Variants in SMIM3 observed in about 807,000 individuals in gnomAD.
SMIM3 encodes the protein NGF-induced differentiation clone 67 protein.
In SMIM3, 4 loss-of-function variants were observed where a neutral mutation model predicts 2.1. The ratio of observed to expected loss-of-function variants is 1.89; its 90% CI spans 0.93 to 4.31. SMIM3 has a LOEUF of 4.31. Ranked by LOEUF, SMIM3 falls within the 30% of genes most tolerant of loss-of-function variation. The pLI is 0.01. For synonymous variants in SMIM3, 29 were observed against 30.8 expected, an observed-to-expected ratio of 0.94 and a Z score of 0.19; for missense variants, 79 against 77.7, an observed-to-expected ratio of 1.02 and a Z score of -0.06.
Position 150,793,269 on chromosome 5 carries a change from G to A in SMIM3, c.-11-2161G>A, listed in dbSNP as rs150263752. On this transcript the variant is annotated intron_variant, in intron 1 of 1. Coordinates refer to ENST00000526627, the MANE Select transcript of SMIM3 (RefSeq NM_032947.5). ...GCCAAAAGCAATCTACAAATTCAAC[G>A]CAATCCCCATCAGAATACCACCATC... is the stretch of plus-strand genomic sequence containing the variant. 1.3e-4 allele frequency among the ~76,000 whole-genome samples: 20 copies of A among 152,070 alleles called. No homozygotes were observed. The East Asian group carries it at 2.1e-3, about 16-fold the overall frequency.
At chr5:150,794,710 C>A (rs1252575227) in intron 1 of SMIM3, among the ~76,000 whole-genome samples, 1 of 152,150 alleles carries the variant, frequency 6.6e-6, no homozygotes, top group Admixed American at 6.5e-5. Context: ...TGTTTCCAAT[C>A]GTGTTCAATT....
chr5:150,782,992 G>C (rs1753251667), intron 1 of SMIM3, among the ~76,000 whole-genome samples: 1 of 152,180 alleles, frequency 6.6e-6, no homozygotes, highest in Admixed American at 6.5e-5. Context: ...AAACAAACAA[G>C]CAACAAACAA....
chr5:150,778,779 T>A lies in SMIM3; in HGVS notation c.-205T>A, dbSNP rs776391171. 19 of 460,078 alleles carry A rather than the reference T, an allele frequency of 4.1e-5. No individual in the cohort carries two copies. In the East Asian group the frequency reaches 1.2e-3, roughly 30 times the overall value. The allele number at this position is 460,078 out of a possible 1,614,324, so 28.5% of individuals were successfully genotyped here. A position where few individuals can be genotyped will look rare whatever the true frequency, so the allele number is the denominator to read the frequency against. On this transcript the variant is annotated 5_prime_UTR_variant, in exon 1 of 2. Transcript: ENST00000526627. ...CGCGCATTCCAGAGCCAGCAGCGCGTCCTGGCCGCTCCTGCGCTCTCCCGC... is the reference window on the plus strand; with the variant it reads ...CGCGCATTCCAGAGCCAGCAGCGCGACCTGGCCGCTCCTGCGCTCTCCCGC...
intron 1 of SMIM3, among the ~76,000 whole-genome samples, chr5:150,785,456 C>T (rs2113201371): frequency 6.6e-6 from 1 of 152,078 alleles, no homozygotes; most frequent in South Asian, 2.1e-4. Context: ...GATCATTCTG[C>T]TGTTTTTAAA....
intron 1 of SMIM3, among the ~76,000 whole-genome samples, chr5:150,784,171 C>T (rs542143978): frequency 4.3e-4 from 66 of 152,058 alleles, no homozygotes; most frequent in Non-Finnish European, 6.9e-4. Context: ...GGAACGATGC[C>T]GGGTTCACTA....
intron 1 of SMIM3, 104 bp from the exon 2 acceptor site, chr5:150,795,326 T>G: frequency 8.4e-7 from 1 of 1,188,516 alleles, no homozygotes; most frequent in Non-Finnish European, 1.3e-6. Flanking sequence ...AAAGTTTACA[T>G]ATCTGGTAAG....
chr5:150,795,574 T>G lies in SMIM3; in HGVS notation c.134T>G (p.Val45Gly), dbSNP rs1308740192. ...TSLLLCPATAVIIYRMRTHPI... is the reference protein window; with the variant it reads ...TSLLLCPATAGIIYRMRTHPI... ...TTGTTGCTGTGCCCAGCCACTGCAG[T>G]AATCATCTATCGCATGCGGACTCAT... The change falls in exon 2 of 2, where the codon GTA becomes GGA. Residue 45 changes from valine to glycine, a missense_variant. Val to Gly is a moderately radical substitution (Grantham distance 109, BLOSUM62 -3). Coordinates refer to ENST00000526627, the MANE Select transcript of SMIM3 (RefSeq NM_032947.5). 9 of 1,596,474 alleles carry G rather than the reference T, an allele frequency of 5.6e-6. No individual in the cohort carries two copies. The Admixed American group carries it at 1.0e-4, about 18-fold the overall frequency.
chr5:150,789,826 T>A (rs748190271), intron 1 of SMIM3, among the ~76,000 whole-genome samples: 33 of 152,188 alleles, frequency 2.2e-4, no homozygotes, highest in Non-Finnish European at 3.5e-4. Context: ...TCATCTCTAG[T>A]GCTTAGGGTC....
intron 1 of SMIM3, among the ~76,000 whole-genome samples, chr5:150,794,186 T>C (rs1407301738): frequency 6.6e-6 from 1 of 152,144 alleles, no homozygotes; most frequent in Non-Finnish European, 1.5e-5. Context: ...AATGCTCGTG[T>C]GGATGTGGTG....
At chr5:150,782,366 C>T (rs1202624454) in intron 1 of SMIM3, among the ~76,000 whole-genome samples, 2 of 152,076 alleles carry the variant, frequency 1.3e-5, no homozygotes, top group Non-Finnish European at 2.9e-5. Context: ...CATGGGAAAC[C>T]TGCCCCCACT....
intron 1 of SMIM3, among the ~76,000 whole-genome samples, chr5:150,792,505 C>T (rs528431403): frequency 3.3e-5 from 5 of 152,218 alleles, no homozygotes; most frequent in Admixed American, 2.0e-4. Context: ...TACTACATGC[C>T]TTTTGTTAAT....
chr5:150,794,624 G>A (rs1222483967), intron 1 of SMIM3, among the ~76,000 whole-genome samples: 5 of 152,118 alleles, frequency 3.3e-5, no homozygotes, highest in African/African-American at 7.2e-5. Context: ...CTATGAGGAC[G>A]CAAAGGCATA....
At chr5:150,786,065 G>A (rs753093104) in intron 1 of SMIM3, among the ~76,000 whole-genome samples, 1 of 151,770 alleles carries the variant, frequency 6.6e-6, no homozygotes, top group Admixed American at 6.6e-5. Context: ...TATTTATGTT[G>A]TACCTTGTCA....
chr5:150,778,781 C>A lies in SMIM3; in HGVS notation c.-203C>A. On this transcript the variant is annotated 5_prime_UTR_variant, in exon 1 of 2. The change creates a new upstream start codon in the 5' untranslated region. Transcript: ENST00000526627. The stretch of plus-strand genomic sequence containing the variant: ...CGCATTCCAGAGCCAGCAGCGCGTC[C>A]TGGCCGCTCCTGCGCTCTCCCGCCT... The A allele has an allele frequency of 2.2e-6, 1 of 460,614 alleles. No individual in the cohort carries two copies. The highest frequency in any genetic ancestry group is 1.6e-5 in the South Asian group (1 of 63,216). 28.5% of individuals were successfully genotyped at this position (460,614 alleles called of 1,614,324 possible).
chr5:150,783,420 T>G (rs778935345), intron 1 of SMIM3, among the ~76,000 whole-genome samples: 5 of 152,238 alleles, frequency 3.3e-5, no homozygotes, highest in Non-Finnish European at 7.3e-5. Context: ...CTTGTTCACA[T>G]TCTGCAAAAT....
intron 1 of SMIM3, among the ~76,000 whole-genome samples, chr5:150,783,850 T>A (rs1048994867): frequency 6.6e-6 from 1 of 151,964 alleles, no homozygotes; most frequent in African/African-American, 2.4e-5. Flanking sequence ...GTTTCCTACA[T>A]TGGGCCCAGA....
chr5:150,779,144 A>G (rs1581619478), intron 1 of SMIM3, among the ~76,000 whole-genome samples, 172 bp downstream of exon 1: 1 of 150,210 alleles, frequency 6.7e-6, no homozygotes, highest in South Asian at 2.1e-4. Flanking sequence ...TCTTGCCCTC[A>G]CCCCCTCCTT....
chr5:150,781,498 T>C lies in SMIM3; in HGVS notation c.-12+2526T>C, dbSNP rs190316933. Among the ~76,000 whole-genome samples, 6 of 152,346 alleles carry C rather than the reference T, an allele frequency of 3.9e-5. No homozygotes were observed. In the East Asian group the frequency reaches 1.2e-3, roughly 29 times the overall value. On this transcript the variant is annotated intron_variant, in intron 1 of 1. Transcript: ENST00000526627. ...CACGTCTAAACCATATACTTTAAAT[T>C]GCTTAGTTGTGTATAGATAGAGCTT...
chr5:150,792,446 C>T (rs1258948391), intron 1 of SMIM3, among the ~76,000 whole-genome samples: 1 of 152,206 alleles, frequency 6.6e-6, no homozygotes, highest in Non-Finnish European at 1.5e-5. Flanking sequence ...ATCTCTCAGA[C>T]ACTTTACAAA....
Sources: allele counts gnomAD v4.1 joint callset (sites outside exome capture counted in the v4.1 genomes callset), GRCh38; gene constraint gnomAD v4.1.1; transcripts MANE v1.5; gene names NCBI Gene and HGNC (gene_info 2026-07-23, HGNC 2026-07-21).